Variants in CALN1 observed in about 807,000 individuals in gnomAD.
CALN1 encodes calcium-binding protein 8.
In CALN1, 17 loss-of-function variants were observed where a neutral mutation model predicts 30.6. That is an observed-to-expected ratio of 0.56 (90% confidence interval 0.38 to 0.83). CALN1 has a LOEUF of 0.83. Ranked by LOEUF, CALN1 falls within the 40% of genes least tolerant of loss-of-function variation. CALN1 has a pLI of 0.00. For synonymous variants in CALN1, 156 were observed against 131.4 expected (o/e 1.19, Z -1.28); for missense variants, 291 against 354.9 (o/e 0.82, Z 1.45).
chr7:72,488,167 A>G, the CALN1 span, among the ~76,000 whole-genome samples: 1 of 151,564 alleles, frequency 6.6e-6, no homozygotes, highest in Admixed American at 6.6e-5. Flanking sequence ...AGTGTTTAAG[A>G]CCAGCCTGGA....
chr7:72,459,238 GCTCC>G, the CALN1 span, among the ~76,000 whole-genome samples: 140 of 152,194 alleles, frequency 9.2e-4, no homozygotes, highest in African/African-American at 3.2e-3. Context: ...AGTGAGCTTA[GCTCC>G]CTGATGTAAA....
chr7:72,448,613 CT>C (rs199535062), upstream of CALN1, among the ~76,000 whole-genome samples: 2,062 of 145,470 alleles, frequency 0.014, 35 homozygotes, highest in African/African-American at 0.044. Flanking sequence ...CTTGCGTGAT[CT>C]TTTTTTTTTT....
At chr7:72,252,456 T>A (rs1053749542) in intron 3 of CALN1, among the ~76,000 whole-genome samples, 3 of 151,958 alleles carry the variant, frequency 2.0e-5, no homozygotes, top group Non-Finnish European at 4.4e-5. Context: ...AATAAAAAAT[T>A]AGCCATGTGT....
chr7:71,971,472 C>A (rs1024392912), intron 5 of CALN1, among the ~76,000 whole-genome samples: 1 of 151,840 alleles, frequency 6.6e-6, no homozygotes, highest in South Asian at 2.1e-4. Context: ...AACAAACAAA[C>A]AAAAAACCCC....
At chr7:72,447,841 A>G (rs1485140251), upstream of CALN1, among the ~76,000 whole-genome samples, 4 of 151,354 alleles carry the variant, frequency 2.6e-5, no homozygotes, top group Non-Finnish European at 5.9e-5. Flanking sequence ...CCACCCGTGT[A>G]CACACACATT....
At chr7:72,367,519 G>A (rs1803947023) in intron 2 of CALN1, among the ~76,000 whole-genome samples, 1 of 152,086 alleles carries the variant, frequency 6.6e-6, no homozygotes, top group African/African-American at 2.4e-5. Context: ...CAGCTACTTG[G>A]AAGGCTGAGA....
chr7:72,321,318 G>T (rs1006740074), intron 2 of CALN1, among the ~76,000 whole-genome samples: 8 of 152,118 alleles, frequency 5.3e-5, no homozygotes, highest in African/African-American at 1.9e-4. Context: ...CAAGAAAAAA[G>T]GATCCAACGA....
At chr7:72,074,543 G>C (rs1397551016) in intron 4 of CALN1, among the ~76,000 whole-genome samples, 1 of 152,150 alleles carries the variant, frequency 6.6e-6, no homozygotes, top group Non-Finnish European at 1.5e-5. Flanking sequence ...GAGTAGCTGG[G>C]ATTACAGGCA....
chr7:72,117,906 C>T lies in CALN1; in HGVS notation c.245-11612G>A, dbSNP rs1457943097. ...CCAGGAGGTGGAGGTTGCAGTGAGCCGAGATTGCGCCACTGTACTCCAGCC... is the reference window on the plus strand; with the variant it reads ...CCAGGAGGTGGAGGTTGCAGTGAGCTGAGATTGCGCCACTGTACTCCAGCC... On this transcript the variant is annotated intron_variant, in intron 3 of 6. Transcript: ENST00000395275. Among the ~76,000 whole-genome samples, 10 of 149,074 alleles carry T rather than the reference C, an allele frequency of 6.7e-5. No homozygotes were observed. In the South Asian group the frequency reaches 1.1e-3, roughly 16 times the overall value.
intron 2 of CALN1, among the ~76,000 whole-genome samples, chr7:72,366,183 T>C (rs1585589885): frequency 6.6e-6 from 1 of 152,000 alleles, no homozygotes; most frequent in East Asian, 1.9e-4. Context: ...TTTTATTTTA[T>C]TTATTTTTGA....
upstream of CALN1, among the ~76,000 whole-genome samples, chr7:72,414,717 T>C (rs1484940060): frequency 6.6e-6 from 1 of 152,238 alleles, no homozygotes; most frequent in East Asian, 1.9e-4. Context: ...CCCCTCTCTG[T>C]TGCCAAGTTC....
chr7:71,911,153 A>G (rs1794404852), intron 5 of CALN1, among the ~76,000 whole-genome samples: 1 of 152,126 alleles, frequency 6.6e-6, no homozygotes, highest in Non-Finnish European at 1.5e-5. Context: ...CCATTTTGGG[A>G]TTGCTGAAAC....
At chr7:72,264,481 A>G (rs1796481753) in intron 3 of CALN1, among the ~76,000 whole-genome samples, 1 of 149,860 alleles carries the variant, frequency 6.7e-6, no homozygotes, top group African/African-American at 2.5e-5. Flanking sequence ...TTCCTGCTCA[A>G]AAATAATAAG....
chr7:72,063,191 C>T (rs1803783199), intron 4 of CALN1, among the ~76,000 whole-genome samples: 1 of 152,128 alleles, frequency 6.6e-6, no homozygotes, highest in Non-Finnish European at 1.5e-5. Context: ...TATGAATTTA[C>T]ACGTGTTAAA....
chr7:71,864,024 T>A (rs561575736), intron 5 of CALN1, among the ~76,000 whole-genome samples: 4 of 152,340 alleles, frequency 2.6e-5, no homozygotes, highest in Admixed American at 2.6e-4. Context: ...CTGCAAAGCA[T>A]CCAGTTAGCT....
chr7:71,846,859 T>TATAATATATACACAC (rs1230155382), intron 5 of CALN1, among the ~76,000 whole-genome samples: 21 of 137,934 alleles, frequency 1.5e-4, no homozygotes, highest in Non-Finnish European at 3.1e-4. Flanking sequence ...TATATGTATA[T>TATAATATATACACAC]ATGTATGTAT....
intron 3 of CALN1, among the ~76,000 whole-genome samples, chr7:72,126,838 T>G (rs1271416194): frequency 6.6e-6 from 1 of 152,044 alleles, no homozygotes; most frequent in East Asian, 1.9e-4. Flanking sequence ...GATGAAAGAC[T>G]ATAATACATA....
intron 5 of CALN1, among the ~76,000 whole-genome samples, chr7:71,816,837 G>A (rs1384319548): frequency 2.6e-5 from 4 of 152,078 alleles, no homozygotes; most frequent in African/African-American, 9.7e-5. Flanking sequence ...GCGTGGTGAC[G>A]CATTCCTGTA....
intron 5 of CALN1, among the ~76,000 whole-genome samples, chr7:71,969,965 C>T (rs1029094399): frequency 4.6e-5 from 7 of 152,066 alleles, no homozygotes; most frequent in African/African-American, 1.7e-4. Flanking sequence ...GCTGAGACAA[C>T]AGGCTCATGC....
Sources: allele counts gnomAD v4.1 joint callset (sites outside exome capture counted in the v4.1 genomes callset), GRCh38; gene constraint gnomAD v4.1.1; transcripts MANE v1.5; gene names NCBI Gene and HGNC (gene_info 2026-07-23, HGNC 2026-07-21).